Variants in KIAA2012 observed in about 807,000 individuals in gnomAD.
KIAA2012 encodes the protein uncharacterized protein KIAA2012.
A neutral mutation model predicts 150.6 loss-of-function variants in KIAA2012; 125 were observed. The observed-to-expected ratio is 0.83, with a 90% CI of 0.72 to 0.96. The LOEUF is 0.96. KIAA2012 is among the 40% of genes least tolerant of loss of function. The pLI is 0.00. For missense variants in KIAA2012, 1,219 were observed against 1,354.9 expected (o/e 0.90, Z 1.57); for synonymous variants, 462 against 504.7 (o/e 0.92, Z 1.13).
chr2:202,143,095 T>A (rs1401041515), intron 13 of KIAA2012, among the ~76,000 whole-genome samples: 1 of 128,652 alleles, frequency 7.8e-6, no homozygotes, highest in Non-Finnish European at 1.6e-5. Flanking sequence ...TTTTTTTTTT[T>A]TCTTTTTGAG....
At chr2:202,086,167 C>CAAAAAA (rs56207993) in intron 2 of KIAA2012, among the ~76,000 whole-genome samples, 84 of 89,730 alleles carry the variant, frequency 9.4e-4, no homozygotes, top group Middle Eastern at 6.8e-3. Context: ...AACTCTGTCT[C>CAAAAAA]AAAAAAAAAA....
At chr2:202,171,112 T>TACACACACAC (rs10532176) in intron 15 of KIAA2012, among the ~76,000 whole-genome samples, 117 of 149,832 alleles carry the variant, frequency 7.8e-4, no homozygotes, top group African/African-American at 2.7e-3. Context: ...AAAGAAATAC[T>TACACACACAC]ACACACACAC....
intron 16 of KIAA2012, among the ~76,000 whole-genome samples, chr2:202,186,201 T>G (rs1488125560): frequency 6.6e-6 from 1 of 152,140 alleles, no homozygotes; most frequent in East Asian, 1.9e-4. Flanking sequence ...GTGGCTGAAT[T>G]TGATCAAGGA....
intron 13 of KIAA2012, among the ~76,000 whole-genome samples, chr2:202,148,937 G>T (rs1295339823): frequency 1.3e-5 from 2 of 152,128 alleles, no homozygotes; most frequent in Non-Finnish European, 2.9e-5. Flanking sequence ...TCCCAGGTAC[G>T]CTCAGCCCCA....
chr2:202,108,700 GAA>G (rs1690265576), intron 9 of KIAA2012, among the ~76,000 whole-genome samples: 1 of 152,180 alleles, frequency 6.6e-6, no homozygotes, highest in South Asian at 2.1e-4. Flanking sequence ...ATCAAGGGAT[GAA>G]AAATGTCAGT....
chr2:202,136,581 C>G (rs1328589179), intron 12 of KIAA2012: 1 of 152,456 alleles, frequency 6.6e-6, no homozygotes, highest in Non-Finnish European at 1.5e-5. Context: ...CCCAGGCACT[C>G]CGGCAGCCCA....
At chr2:202,193,564 G>A in intron 20 of KIAA2012, 61 bp downstream of exon 20, 3 of 1,515,524 alleles carry the variant, frequency 2.0e-6, no homozygotes, top group Non-Finnish European at 2.7e-6. Flanking sequence ...AAAGACAGTG[G>A]TTGACCTCCC....
Position 202,190,479 on chromosome 2 carries a change from G to A in KIAA2012, c.2797G>A (p.Glu933Lys). 1 of 1,527,754 alleles carries A rather than the reference G, an allele frequency of 6.5e-7. No individual in the cohort carries two copies. Among genetic ancestry groups the A allele is most frequent in the Non-Finnish European group, 8.8e-7 (1 of 1,134,880 alleles). The allele number at this position is 1,527,754 out of a possible 1,614,324, so 94.6% of individuals were successfully genotyped here. ...NMESKEERRC[E>K]DPSKALLTKR... is the part of the protein sequence containing the mutation. ...GGAATCTAAAGAAGAGAGAAGATGT[G>A]AGGACCCTTCCAAGGTAGGGTCTGA... Residue 933 changes from glutamate to lysine, a missense_variant, in exon 19 of 24, where the codon GAG becomes AAG. Transcript: ENST00000498697.
chr2:202,090,630 C>A, intron 2 of KIAA2012, 140 bp from the exon 3 acceptor site: 1 of 914,856 alleles, frequency 1.1e-6, no homozygotes, highest in Admixed American at 3.2e-5. Flanking sequence ...TGTCTATTAG[C>A]CGAGGCATCT....
intron 11 of KIAA2012, among the ~76,000 whole-genome samples, chr2:202,119,258 C>T (rs759647755): frequency 2.9e-5 from 4 of 137,658 alleles, no homozygotes; most frequent in Non-Finnish European, 6.2e-5. Flanking sequence ...GGCAACAGAG[C>T]GAGACTCCGT....
rs1691128432 is a variant in KIAA2012, at chr2:202,138,449, G to A, written c.1849G>A (p.Ala617Thr). ...CACTACAGCAAACACTGAACCTAGA[G>A]CCAATCTTCACATGAACCTTTATGA... ...HFLKANTEPR[A>T]NLHMNLYETS... The change falls in exon 13 of 24, where the codon GCC (alanine) becomes ACC (threonine). Residue 617 changes from alanine to threonine, a missense_variant. Physicochemically the swap from Ala to Thr is moderately conservative, Grantham distance 58. Transcript: ENST00000498697. The A allele has an allele frequency of 1.3e-6, 2 of 1,550,472 alleles. No individual in the cohort carries two copies. The highest frequency in any genetic ancestry group is 2.7e-5 in the African/African-American group (2 of 73,000).
chr2:202,200,709 T>TTTTTG (rs1692502230), intron 22 of KIAA2012, among the ~76,000 whole-genome samples: 2 of 146,658 alleles, frequency 1.4e-5, no homozygotes, highest in Admixed American at 6.8e-5. Context: ...TTTTGGAACT[T>TTTTTG]TTTTTTTTTT....
chr2:202,089,802 T>C (rs1689672286), intron 2 of KIAA2012, among the ~76,000 whole-genome samples: 1 of 152,236 alleles, frequency 6.6e-6, no homozygotes, highest in Admixed American at 6.5e-5. Flanking sequence ...ATGAGGGACT[T>C]CCTGGGTGGA....
At chr2:202,164,638 G>A (rs1329596252) in intron 14 of KIAA2012, among the ~76,000 whole-genome samples, 1 of 152,130 alleles carries the variant, frequency 6.6e-6, no homozygotes, top group Non-Finnish European at 1.5e-5. Context: ...TCAAGATAAA[G>A]ACCAAAGTCC....
intron 15 of KIAA2012, among the ~76,000 whole-genome samples, chr2:202,174,373 A>C (rs1388093336): frequency 6.6e-6 from 1 of 152,238 alleles, no homozygotes; most frequent in Non-Finnish European, 1.5e-5. Flanking sequence ...AAACCAAAAA[A>C]AGGAAAGATG....
intron 15 of KIAA2012, among the ~76,000 whole-genome samples, chr2:202,167,875 G>T (rs1647943298): frequency 6.6e-6 from 1 of 151,958 alleles, no homozygotes; most frequent in African/African-American, 2.4e-5. Flanking sequence ...ATAATAATAG[G>T]TAGTGGGGAA....
intron 2 of KIAA2012, among the ~76,000 whole-genome samples, chr2:202,083,751 T>C (rs1308345663): frequency 3.0e-5 from 1 of 33,576 alleles, no homozygotes; most frequent in African/African-American, 1.1e-4. Context: ...TACAAGGATA[T>C]GGCCAGGGGG....
intron 13 of KIAA2012, among the ~76,000 whole-genome samples, chr2:202,139,317 A>G (rs1240650831): frequency 6.6e-6 from 1 of 152,058 alleles, no homozygotes; most frequent in Non-Finnish European, 1.5e-5. Flanking sequence ...CCTTCCTTGG[A>G]AGCTTTGAAG....
intron 15 of KIAA2012, among the ~76,000 whole-genome samples, chr2:202,168,419 A>C (rs77945916): frequency 3.4e-5 from 2 of 59,338 alleles, no homozygotes; most frequent in African/African-American, 6.4e-5. Context: ...CTCTGTCTCA[A>C]AAAAAAAAAA....
Sources: gnomAD v4.1 joint callset for allele counts (sites outside exome capture counted in the v4.1 genomes callset) on GRCh38, gnomAD v4.1.1 for gene constraint, MANE v1.5 for transcripts, NCBI Gene and HGNC (gene_info 2026-07-23, HGNC 2026-07-21) for gene names.